GRM8: variants seen among roughly 807,000 people sequenced by gnomAD.
GRM8 encodes glutamate metabotropic receptor 8, also known as metabotropic glutamate receptor 8.
Under a neutral mutation model 87.2 loss-of-function variants are expected in GRM8, and 47 were observed. That is an observed-to-expected ratio of 0.54 (90% CI 0.43 to 0.69). The LOEUF (loss-of-function observed/expected upper bound fraction) is 0.69, where lower values mean the gene tolerates loss of function less well. Among genes scored for constraint, GRM8 ranks in the 30% least tolerant of loss-of-function variants. The probability of loss-of-function intolerance (pLI) is 0.00; values close to 1 mark genes in which losing one functional copy is unlikely to be tolerated. For synonymous variants in GRM8, 396 were observed against 404.5 expected, an observed-to-expected ratio of 0.98 and a Z score of 0.25; for missense variants, 1,019 against 1,139.2, an observed-to-expected ratio of 0.89 and a Z score of 1.52.
chr7:126,926,176 A>T (rs1805095039), intron 3 of GRM8, among the ~76,000 whole-genome samples: 1 of 152,198 alleles, frequency 6.6e-6, no homozygotes, highest in Non-Finnish European at 1.5e-5. Context: ...ATTATATTTT[A>T]AGATTATTAG....
At position 126,997,842 on chromosome 7, in the gene GRM8, A is replaced by G. The variant is rs1419956680; in HGVS notation, c.728-93159T>C. 2.6e-5 allele frequency among the ~76,000 whole-genome samples: 4 copies of G among 152,040 alleles called. No homozygotes were observed. The East Asian group carries it at 7.7e-4, about 29-fold the overall frequency. On this transcript the variant is annotated intron_variant, in intron 3 of 10. Coordinates refer to ENST00000339582, the MANE Select transcript of GRM8 (RefSeq NM_000845.3). ...TGGGAACCAATGGCTTCAGTGCTGA[A>G]TTCCACCAGACATGTAAAGAACTAA... is the stretch of plus-strand genomic sequence containing the variant.
chr7:126,537,633 C>T (rs543993923), intron 8 of GRM8, among the ~76,000 whole-genome samples: 5 of 151,972 alleles, frequency 3.3e-5, no homozygotes, highest in East Asian at 3.9e-4. Context: ...AAAAATTAGC[C>T]GGGCATGGTG....
At chr7:126,539,247 C>A (rs890396069) in intron 8 of GRM8, among the ~76,000 whole-genome samples, 5 of 151,148 alleles carry the variant, frequency 3.3e-5, no homozygotes, top group African/African-American at 1.2e-4. Context: ...CATGACTTAT[C>A]CAGGAAAAAC....
chr7:126,874,113 C>G (rs1799337672), intron 6 of GRM8, among the ~76,000 whole-genome samples: 1 of 152,042 alleles, frequency 6.6e-6, no homozygotes, highest in African/African-American at 2.4e-5. Context: ...GCTTTGCCCT[C>G]TTTCCTGAGT....
chr7:126,964,369 C>A (rs1399135827), intron 3 of GRM8, among the ~76,000 whole-genome samples: 3 of 152,180 alleles, frequency 2.0e-5, no homozygotes, highest in Non-Finnish European at 4.4e-5. Context: ...TCAGAGTGAA[C>A]AGGCAGCCTA....
intron 3 of GRM8, among the ~76,000 whole-genome samples, chr7:127,027,834 G>C (rs1816940523): frequency 6.6e-6 from 1 of 152,026 alleles, no homozygotes; most frequent in African/African-American, 2.4e-5. Context: ...TCTTTCTCTT[G>C]CCTGATTGCC....
intron 2 of GRM8, among the ~76,000 whole-genome samples, chr7:127,199,810 C>T (rs1357528061): frequency 1.3e-5 from 2 of 152,132 alleles, no homozygotes. Context: ...ATGGCAGTGC[C>T]TATTTTAAGC....
Position 126,904,138 on chromosome 7 carries a change from AAAAT to A in GRM8, c.864-16_864-13del, listed in dbSNP as rs1402504519. 1.9e-6 allele frequency: 3 copies of A among 1,597,460 alleles called. No homozygotes were observed. The highest frequency in any genetic ancestry group is 1.7e-5 in the Admixed American group (1 of 59,304). On this transcript the variant is annotated splice_polypyrimidine_tract_variant and intron_variant, in intron 4 of 10. Transcript: ENST00000339582. ...CTTCCAATATCCTCCTACAGGAATA[AAAAT>A]AAATAATGCATATCACATGTATTAA...
At chr7:126,891,474 C>A (rs1435372415) in intron 6 of GRM8, among the ~76,000 whole-genome samples, 1 of 151,992 alleles carries the variant, frequency 6.6e-6, no homozygotes, top group African/African-American at 2.4e-5. Flanking sequence ...TTTCAACTGC[C>A]TCTTGAGGCA....
intron 3 of GRM8, among the ~76,000 whole-genome samples, chr7:126,925,901 A>G (rs1805054512): frequency 6.6e-6 from 1 of 152,192 alleles, no homozygotes; most frequent in Non-Finnish European, 1.5e-5. Flanking sequence ...ACTGCAATAC[A>G]TATTTCCCTG....
chr7:126,595,899 A>G (rs1256306878), intron 8 of GRM8, among the ~76,000 whole-genome samples: 2 of 152,184 alleles, frequency 1.3e-5, no homozygotes, highest in Non-Finnish European at 2.9e-5. Context: ...ACATTTGGGC[A>G]GCCAAAGCAG....
chr7:126,746,368 C>T (rs971420901), intron 7 of GRM8, among the ~76,000 whole-genome samples: 4 of 151,492 alleles, frequency 2.6e-5, no homozygotes, highest in African/African-American at 9.7e-5. Flanking sequence ...TATGAATAAC[C>T]AGGAAATTCA....
chr7:126,491,511 A>G (rs1330308692), intron 9 of GRM8, among the ~76,000 whole-genome samples: 1 of 152,086 alleles, frequency 6.6e-6, no homozygotes, highest in African/African-American at 2.4e-5. Flanking sequence ...CTTGCATTTT[A>G]TAAGTATGCA....
chr7:126,796,936 C>T (rs2283072), intron 6 of GRM8, among the ~76,000 whole-genome samples: 2,412 of 152,090 alleles, frequency 0.016, 14 homozygotes, highest in Middle Eastern at 0.028. Context: ...ATGTGGGTTG[C>T]GAGATTTAAT....
At chr7:126,880,857 G>T (rs1271179057) in intron 6 of GRM8, among the ~76,000 whole-genome samples, 2 of 151,964 alleles carry the variant, frequency 1.3e-5, no homozygotes, top group African/African-American at 4.8e-5. Context: ...CCCAAACACA[G>T]CTTTTATCAC....
chr7:126,761,718 C>T (rs1455856062), intron 7 of GRM8, among the ~76,000 whole-genome samples: 1 of 152,176 alleles, frequency 6.6e-6, no homozygotes, highest in Non-Finnish European at 1.5e-5. Context: ...CCTGACTGCC[C>T]CCACAACCAC....
At chr7:127,080,740 C>A (rs999211696) in intron 3 of GRM8, 2 of 152,090 alleles carry the variant, frequency 1.3e-5, no homozygotes, top group African/African-American at 4.8e-5. Context: ...GGACCTGCTA[C>A]CAGGAGACAA....
chr7:126,596,646 G>T (rs1397402641), intron 8 of GRM8, among the ~76,000 whole-genome samples: 1 of 152,152 alleles, frequency 6.6e-6, no homozygotes, highest in Non-Finnish European at 1.5e-5. Context: ...TAACAGAAAT[G>T]TTCTGTATGT....
chr7:126,575,192 C>A (rs921591507), intron 8 of GRM8, among the ~76,000 whole-genome samples: 2 of 151,418 alleles, frequency 1.3e-5, no homozygotes, highest in African/African-American at 4.9e-5. Context: ...CCTGTCAGAT[C>A]GGCACAGGCA....
Sources: gnomAD v4.1 joint callset for allele counts (sites outside exome capture counted in the v4.1 genomes callset) on GRCh38, gnomAD v4.1.1 for gene constraint, MANE v1.5 for transcripts, NCBI Gene and HGNC (gene_info 2026-07-23, HGNC 2026-07-21) for gene names.